The following EPB41L2 variants were observed in gnomAD, a reference collection of about 807,000 sequenced individuals.
EPB41L2 encodes erythrocyte membrane protein band 4.1 like 2.
EPB41L2 carries 43 observed loss-of-function variants against 113.0 expected under a neutral mutation model. That is an observed-to-expected ratio of 0.38 (90% CI 0.30 to 0.49). The LOEUF (loss-of-function observed/expected upper bound fraction) is 0.49, where lower values mean the gene tolerates loss of function less well. Among genes scored for constraint, EPB41L2 ranks in the 20% least tolerant of loss-of-function variants. The pLI is 0.95. For synonymous variants in EPB41L2, 442 were observed against 436.7 expected, an observed-to-expected ratio of 1.01 and a Z score of -0.15; for missense variants, 1,147 against 1,223.4, an observed-to-expected ratio of 0.94 and a Z score of 0.93.
chr6:130,860,233 T>A (rs1411691983), intron 18 of EPB41L2, among the ~76,000 whole-genome samples: 1 of 152,160 alleles, frequency 6.6e-6, no homozygotes, highest in African/African-American at 2.4e-5. Flanking sequence ...GATCAAATAC[T>A]TTGAGTATCT....
At chr6:131,052,777 G>A (rs1305741012) in intron 1 of EPB41L2, among the ~76,000 whole-genome samples, 1 of 152,100 alleles carries the variant, frequency 6.6e-6, no homozygotes, top group Non-Finnish European at 1.5e-5. Context: ...TCAAGAAACA[G>A]GAGTAAGCAG....
chr6:131,045,284 A>C (rs1795195000), intron 1 of EPB41L2, among the ~76,000 whole-genome samples: 1 of 114,770 alleles, frequency 8.7e-6, no homozygotes, highest in Admixed American at 8.5e-5. Flanking sequence ...ATGCAAAATA[A>C]TCCATTACAG....
At chr6:130,891,050 A>G (rs528903577) in intron 10 of EPB41L2, among the ~76,000 whole-genome samples, 19 of 152,368 alleles carry the variant, frequency 1.2e-4, no homozygotes, top group Admixed American at 3.3e-4. Flanking sequence ...CTAGGCTTAT[A>G]CAAAAGCATG....
chr6:130,998,181 T>C (rs76727151), intron 1 of EPB41L2, among the ~76,000 whole-genome samples: 3,383 of 152,266 alleles, frequency 0.022, 124 homozygotes, highest in African/African-American at 0.077. Flanking sequence ...ATCAGACAGA[T>C]CTGAGTTTCA....
intron 4 of EPB41L2, among the ~76,000 whole-genome samples, chr6:130,926,281 G>A (rs577526494): frequency 6.6e-6 from 1 of 152,324 alleles, no homozygotes; most frequent in East Asian, 1.9e-4. Context: ...AGAGCCAAAA[G>A]TGATTAAAAT....
chr6:131,029,513 A>G (rs995888140), intron 1 of EPB41L2, among the ~76,000 whole-genome samples: 1 of 152,012 alleles, frequency 6.6e-6, no homozygotes, highest in Non-Finnish European at 1.5e-5. Flanking sequence ...CTACAATTTC[A>G]TTCTATAGAA....
chr6:131,040,745 G>GTGCC (rs1322227184), intron 1 of EPB41L2, among the ~76,000 whole-genome samples: 1 of 152,138 alleles, frequency 6.6e-6, no homozygotes, highest in Non-Finnish European at 1.5e-5. Flanking sequence ...GCATTATGTG[G>GTGCC]TGCCTGATAT....
chr6:130,932,364 GACT>G (rs1182459137), intron 3 of EPB41L2, among the ~76,000 whole-genome samples: 1 of 149,194 alleles, frequency 6.7e-6, no homozygotes, highest in East Asian at 2.0e-4. Flanking sequence ...GTATAAAAAG[GACT>G]ACAAATATAC....
intron 1 of EPB41L2, among the ~76,000 whole-genome samples, chr6:130,991,846 AT>A (rs1471619457): frequency 1.3e-5 from 2 of 152,084 alleles, no homozygotes; most frequent in East Asian, 3.9e-4. Flanking sequence ...ATAAAAAAAT[AT>A]TTTTTCAAGC....
chr6:131,050,809 G>T (rs1461164204), intron 1 of EPB41L2, among the ~76,000 whole-genome samples: 1 of 152,158 alleles, frequency 6.6e-6, no homozygotes, highest in Non-Finnish European at 1.5e-5. Flanking sequence ...GCCCAGGCTG[G>T]TCTTGAATTC....
Position 130,931,641 on chromosome 6 carries a change from T to G in EPB41L2, c.706-4932A>C, listed in dbSNP as rs530259349. Among the ~76,000 whole-genome samples the G allele has an allele frequency of 3.9e-5, 6 of 152,282 alleles. No homozygotes were observed. In the South Asian group the frequency reaches 1.2e-3, roughly 32 times the overall value. ...AACACCATCTAGTGGCTCACAACTTTGTCTTCACACTGTTCACAACACATT... is the reference window on the plus strand; with the variant it reads ...AACACCATCTAGTGGCTCACAACTTGGTCTTCACACTGTTCACAACACATT... On this transcript the variant is annotated intron_variant, in intron 3 of 19. Coordinates refer to ENST00000337057, the MANE Select transcript of EPB41L2 (RefSeq NM_001431.4).
At chr6:130,961,806 AT>A (rs1269396994) in intron 1 of EPB41L2, among the ~76,000 whole-genome samples, 1 of 152,194 alleles carries the variant, frequency 6.6e-6, no homozygotes, top group Non-Finnish European at 1.5e-5. Flanking sequence ...AGCTCAACCC[AT>A]TTTGTAAGGA....
chr6:130,990,177 C>T (rs1033029688), intron 1 of EPB41L2, among the ~76,000 whole-genome samples: 2 of 151,940 alleles, frequency 1.3e-5, no homozygotes, highest in Non-Finnish European at 2.9e-5. Flanking sequence ...AAAAATTGGC[C>T]GAGTGTGGTG....
intron 4 of EPB41L2, among the ~76,000 whole-genome samples, chr6:130,924,384 CT>C (rs57006889): frequency 2.2e-4 from 33 of 148,146 alleles, no homozygotes; most frequent in Admixed American, 3.3e-4. Flanking sequence ...TCATGGAGTT[CT>C]TTTTTTTTTT....
intron 13 of EPB41L2, 131 bp downstream of exon 13, chr6:130,880,013 C>A (rs1788767489): frequency 1.6e-6 from 1 of 644,386 alleles, no homozygotes; most frequent in Non-Finnish European, 2.7e-6. Context: ...ACATGCACTC[C>A]CGAGCTGAAT....
intron 2 of EPB41L2, 28 bp from the exon 3 acceptor site, chr6:130,955,345 A>G: frequency 2.5e-6 from 4 of 1,601,484 alleles, no homozygotes; most frequent in Non-Finnish European, 3.4e-6. Flanking sequence ...ATAAATTCAT[A>G]CTATAGTCAA....
chr6:130,862,799 G>A (rs754214658), intron 18 of EPB41L2, among the ~76,000 whole-genome samples: 3 of 152,106 alleles, frequency 2.0e-5, no homozygotes, highest in Non-Finnish European at 2.9e-5. Flanking sequence ...GAGGAATTTT[G>A]TTCTCTAAAA....
chr6:130,930,783 T>G (rs1806567337), intron 3 of EPB41L2, among the ~76,000 whole-genome samples: 1 of 151,868 alleles, frequency 6.6e-6, no homozygotes. Flanking sequence ...CTTCAGAGAC[T>G]GCACATAGTA....
At chr6:131,011,333 T>C (rs1786909384) in intron 1 of EPB41L2, among the ~76,000 whole-genome samples, 1 of 152,228 alleles carries the variant, frequency 6.6e-6, no homozygotes, top group Non-Finnish European at 1.5e-5. Context: ...AAAAGACCAC[T>C]ACAAGTTGCT....
Sources: gnomAD v4.1 joint callset for allele counts (sites outside exome capture counted in the v4.1 genomes callset) on GRCh38, gnomAD v4.1.1 for gene constraint, MANE v1.5 for transcripts, NCBI Gene and HGNC (gene_info 2026-07-23, HGNC 2026-07-21) for gene names.